CLIP2: variants seen among roughly 807,000 people sequenced by gnomAD.
CLIP2 encodes the protein CAP-Gly domain-containing linker protein 2.
In CLIP2, 41 loss-of-function variants were observed where a neutral mutation model predicts 111.7. The ratio of observed to expected loss-of-function variants is 0.37; its 90% CI spans 0.29 to 0.48. CLIP2 has a LOEUF of 0.48. CLIP2 is among the 20% of genes least tolerant of loss of function. The pLI, the probability that CLIP2 is intolerant of heterozygous loss-of-function variation, is 0.99. For missense variants in CLIP2, 1,160 were observed against 1,422.1 expected (o/e 0.82, Z 2.96); for synonymous variants, 660 against 644.2 (o/e 1.02, Z -0.37).
chr7:74,385,419 T>C (rs1385912108), intron 11 of CLIP2, among the ~76,000 whole-genome samples: 3 of 150,414 alleles, frequency 2.0e-5, no homozygotes, highest in African/African-American at 7.4e-5. Context: ...TGAGCTATGA[T>C]TGCACACTCC....
chr7:74,332,743 C>T (rs183122911), intron 2 of CLIP2, among the ~76,000 whole-genome samples: 7 of 152,290 alleles, frequency 4.6e-5, no homozygotes, highest in East Asian at 1.9e-4. Context: ...CCCGCTCCCC[C>T]GGGTACCACA....
chr7:74,356,763 T>C (rs1467861317), intron 5 of CLIP2, 140 bp downstream of exon 5: 3 of 758,012 alleles, frequency 4.0e-6, no homozygotes, highest in Non-Finnish European at 6.4e-6. Flanking sequence ...AAAGTGCATA[T>C]CTTTTAATAG....
At chr7:74,352,974 C>T (rs1380519719) in intron 3 of CLIP2, among the ~76,000 whole-genome samples, 1 of 151,494 alleles carries the variant, frequency 6.6e-6, no homozygotes, top group Non-Finnish European at 1.5e-5. Context: ...TAGCAAGATC[C>T]TGTGTCTACA....
In CLIP2 at chr7:74,338,095, C is replaced by T. The variant is rs1483410471; in HGVS notation, c.122-353C>T. The stretch of plus-strand genomic sequence containing the variant: ...GCAGGTGTCTGTGGTTTCAGCTACT[C>T]GGGAGGCTGAGGTAGAGGATTGCTG... On this transcript the variant is annotated intron_variant, in intron 2 of 16. Coordinates refer to ENST00000223398, the MANE Select transcript of CLIP2 (RefSeq NM_003388.5). The surrounding 1 kb of genome is among the most constrained non-coding windows in gnomAD (Gnocchi z 4.3). Among the ~76,000 whole-genome samples the T allele has an allele frequency of 2.0e-5, 3 of 151,976 alleles. No individual in the cohort carries two copies. Among genetic ancestry groups the T allele is most frequent in the African/African-American group, 4.8e-5 (2 of 41,368 alleles).
intron 14 of CLIP2, among the ~76,000 whole-genome samples, chr7:74,399,653 C>T (rs1020801939): frequency 2.0e-5 from 3 of 151,638 alleles, no homozygotes; most frequent in Non-Finnish European, 4.4e-5. Context: ...GATTCTCCTG[C>T]CTAGGCCTCC....
chr7:74,346,749 A>T (rs1486845803), intron 3 of CLIP2, among the ~76,000 whole-genome samples: 5 of 133,836 alleles, frequency 3.7e-5, no homozygotes, highest in African/African-American at 5.5e-5. Flanking sequence ...AAAACAAAAC[A>T]CTGGCCATGC....
chr7:74,303,866 C>T (rs1329043232), intron 1 of CLIP2, among the ~76,000 whole-genome samples: 1 of 145,216 alleles, frequency 6.9e-6, no homozygotes, highest in Non-Finnish European at 1.5e-5. Flanking sequence ...GAGCTGAGAT[C>T]GTGCCACTGC....
At chr7:74,347,966 G>A (rs1377622709) in intron 3 of CLIP2, among the ~76,000 whole-genome samples, 2 of 151,840 alleles carry the variant, frequency 1.3e-5, no homozygotes, top group African/African-American at 2.4e-5. Flanking sequence ...GATCACTTGA[G>A]GTCAGGAGTT....
intron 2 of CLIP2, among the ~76,000 whole-genome samples, chr7:74,327,311 C>T (rs1789141118): frequency 1.3e-5 from 2 of 152,146 alleles, no homozygotes. Context: ...CCATCTTGGC[C>T]AGGCTGGTCT....
chr7:74,382,041 A>C (rs1281855285), intron 11 of CLIP2, among the ~76,000 whole-genome samples: 1 of 152,160 alleles, frequency 6.6e-6, no homozygotes. Context: ...GTGTAACTTC[A>C]ACTCACCTTT....
At position 74,307,327 on chromosome 7, in the gene CLIP2, G is replaced by T. The variant is rs147202862; in HGVS notation, c.-67-10153G>T. ...TGGGAGGTAGGGAAGGGCCAGACCCGGGTCTGATTCCAGGACAGCCACTTA... is the reference window on the plus strand; with the variant it reads ...TGGGAGGTAGGGAAGGGCCAGACCCTGGTCTGATTCCAGGACAGCCACTTA... On this transcript the variant is annotated intron_variant, in intron 1 of 16. Coordinates refer to ENST00000223398, the MANE Select transcript of CLIP2 (RefSeq NM_003388.5). Among the ~76,000 whole-genome samples the T allele has an allele frequency of 2.6e-3, 393 of 152,262 alleles. 1 individual carries two copies. The highest frequency in any genetic ancestry group is 6.8e-3 in the Middle Eastern group (2 of 294).
rs753277128 is a variant in CLIP2 at position 74,338,628 on chromosome 7, C to T, written c.302C>T (p.Thr101Met). The change falls in exon 3 of 17, where the codon ACG becomes ATG. Residue 101 changes from threonine (T) to methionine (M), a missense_variant. Around this residue, in one of 5 missense-constraint regions of CLIP2, gnomAD observed 301 missense variants for 315.2 expected, o/e 0.96. Transcript: ENST00000223398. This position sits in a 1 kb window ranked among gnomAD's most constrained non-coding sequence, Gnocchi z 4.3. ...GGCGTGGTGCAGTATCTGGGAGAGA[C>T]GCAGTTCGCACCGGGCCAGTGGGCT... ...KPGVVQYLGE[T>M]QFAPGQWAGV... The T allele has an allele frequency of 1.3e-6, 2 of 1,563,516 alleles. No homozygotes were observed. The highest frequency in any genetic ancestry group is 1.7e-6 in the Non-Finnish European group (2 of 1,156,178).
At chr7:74,348,106 G>A (rs1379851130) in intron 3 of CLIP2, among the ~76,000 whole-genome samples, 2 of 151,858 alleles carry the variant, frequency 1.3e-5, no homozygotes, top group South Asian at 4.1e-4. Context: ...GGAGGCAGAG[G>A]TTACAGTGAG....
At chr7:74,360,417 C>A in intron 7 of CLIP2, 139 bp downstream of exon 7, 1 of 606,824 alleles carries the variant, frequency 1.6e-6, no homozygotes, top group South Asian at 1.9e-5. Flanking sequence ...GGACTGGTGA[C>A]ATTAACTCTT....
In CLIP2 at chr7:74,363,911, AGGG is replaced by A. The variant is rs1337219540; in HGVS notation, c.1320-343_1320-341del. 2.3e-3 allele frequency among the ~76,000 whole-genome samples: 340 copies of A among 147,134 alleles called. 2 individuals carry two copies. Among genetic ancestry groups the A allele is most frequent in the African/African-American group, 7.3e-3 (287 of 39,318 alleles). On this transcript the variant is annotated intron_variant, in intron 7 of 16. Transcript: ENST00000223398. ...ACTCTGTCTCAAAAAAAAAAAAAAA[AGGG>A]AGGGAGGAAGGAAGGAAGGAAGGAA...
chr7:74,338,403 A>C lies in CLIP2; in HGVS notation c.122-45A>C, dbSNP rs1789541632. On this transcript the variant is annotated intron_variant, in intron 2 of 16. Transcript: ENST00000223398. The surrounding 1 kb of genome is among the most constrained non-coding windows in gnomAD (Gnocchi z 4.3). ...GTGCTCCTGGGGCCACCCAGGGGCC[A>C]GCCCTAACAGCCACCTCTTTCCCTT... 9 of 1,588,300 alleles carry C rather than the reference A, an allele frequency of 5.7e-6. No individual in the cohort carries two copies. Among genetic ancestry groups the C allele is most frequent in the Non-Finnish European group, 6.8e-6 (8 of 1,168,368 alleles).
intron 13 of CLIP2, among the ~76,000 whole-genome samples, chr7:74,390,134 G>GAGAGAAAGAA (rs201359762): frequency 4.8e-5 from 5 of 103,328 alleles, no homozygotes; most frequent in East Asian, 2.5e-4. Flanking sequence ...GAGAGAGAGA[G>GAGAGAAAGAA]AGAAAGAAAG....
rs1345467894 is a variant in CLIP2 at position 74,405,779 on chromosome 7, C to T, written c.*1931C>T. The T allele has an allele frequency of 6.6e-6, 1 of 152,638 alleles. No homozygotes were observed. The highest frequency in any genetic ancestry group is 1.5e-5 in the Non-Finnish European group (1 of 68,072). The allele number at this position is 152,638 out of a possible 1,614,324, so 9.5% of individuals were successfully genotyped here. A position where few individuals can be genotyped will look rare whatever the true frequency, so the allele number is the denominator to read the frequency against. On this transcript the variant is annotated 3_prime_UTR_variant, in exon 17 of 17. Transcript: ENST00000223398. ...GCGGTTTCCTTGGGAGCTTCTGCCTCCGTGGGCCTCTCAGCCCGCCCCGTG... is the reference window on the plus strand; with the variant it reads ...GCGGTTTCCTTGGGAGCTTCTGCCTTCGTGGGCCTCTCAGCCCGCCCCGTG...
At position 74,375,926 on chromosome 7, in the gene CLIP2, GAGGA is replaced by G; in HGVS notation, c.1526_1529del (p.Glu509GlyfsTer62). The G allele has an allele frequency of 6.3e-7, 1 of 1,593,434 alleles. No homozygotes were observed. ...CGAGAAGTCGCGCGTGCTGCAGCTG[GAGGA>G]GGAGCTCACCCTGCGCCGAGGTGAA... On this transcript the variant is annotated frameshift_variant, in exon 10 of 17. Coordinates refer to ENST00000223398, the MANE Select transcript of CLIP2 (RefSeq NM_003388.5). LOFTEE classifies it high-confidence loss of function.
Sources: gnomAD v4.1 joint callset for allele counts (sites outside exome capture counted in the v4.1 genomes callset) on GRCh38, gnomAD v4.1.1 for gene constraint, gnomAD v4.1.1 regional missense constraint, Gnocchi (gnomAD v3.1) non-coding constraint, MANE v1.5 for transcripts, NCBI Gene and HGNC (gene_info 2026-07-23, HGNC 2026-07-21) for gene names.